Variants in NPEPL1 observed in about 807,000 individuals in gnomAD.
The protein encoded by NPEPL1 is probable aminopeptidase NPEPL1.
Under a neutral mutation model 52.4 loss-of-function variants are expected in NPEPL1, and 45 were observed. That is an observed-to-expected ratio of 0.86 (90% CI 0.68 to 1.10). NPEPL1 has a LOEUF of 1.10. Ranked by LOEUF, NPEPL1 falls within the 50% of genes least tolerant of loss-of-function variation. NPEPL1 has a pLI of 0.00. For missense variants in NPEPL1, 696 were observed against 710.9 expected, an observed-to-expected ratio of 0.98 and a Z score of 0.24; for synonymous variants, 360 against 314.7, an observed-to-expected ratio of 1.14 and a Z score of -1.52.
chr20:58,695,172 G>T (rs2084454710), intron 3 of NPEPL1, among the ~76,000 whole-genome samples: 2 of 32,462 alleles, frequency 6.2e-5, no homozygotes, highest in South Asian at 9.9e-4. Flanking sequence ...GTGTGTGCAT[G>T]TGTGGTGTGT....
At chr20:58,712,162 C>T (rs1001793893) in intron 7 of NPEPL1, among the ~76,000 whole-genome samples, 2 of 152,144 alleles carry the variant, frequency 1.3e-5, no homozygotes, top group East Asian at 1.9e-4. Context: ...CACCTTCTGT[C>T]GGCACAGGTT....
chr20:58,691,388 T>G (rs1394738671), upstream of NPEPL1: 2 of 550,904 alleles, frequency 3.6e-6, no homozygotes, highest in Non-Finnish European at 6.3e-6. Context: ...TTTTTTTTTT[T>G]TTTTTTTTTT....
chr20:58,691,606 C>T, upstream of NPEPL1: 1 of 634,252 alleles, frequency 1.6e-6, no homozygotes, highest in Non-Finnish European at 2.8e-6. Context: ...AGTTAGGGAG[C>T]TAGGGGGCCA....
chr20:58,702,371 G>GTGTC (rs1266288546), intron 6 of NPEPL1, among the ~76,000 whole-genome samples: 1 of 152,190 alleles, frequency 6.6e-6, no homozygotes, highest in East Asian at 1.9e-4. Flanking sequence ...CTGAGCCCTA[G>GTGTC]TGTCAGCTGC....
chr20:58,712,896 C>A (rs1368467938), intron 8 of NPEPL1: 2 of 426,948 alleles, frequency 4.7e-6, no homozygotes, highest in South Asian at 4.1e-5. Context: ...GAAGCTCTGA[C>A]CCCCAGATTC....
chr20:58,713,800 C>A lies in NPEPL1; in HGVS notation c.1126-117C>A. On this transcript the variant is annotated intron_variant, in intron 9 of 11. Coordinates refer to ENST00000356091, the MANE Select transcript of NPEPL1 (RefSeq NM_024663.4). The surrounding 1 kb of genome is among the most constrained non-coding windows in gnomAD (Gnocchi z 4.6). ...CTGCCTGTGTTTTTTCTTTTTTTCT[C>A]AACCGTCTCTTTTCTGGCTCCCTTA... The A allele has an allele frequency of 8.1e-7, 1 of 1,235,484 alleles. No homozygotes were observed. Among genetic ancestry groups the A allele is most frequent in the Non-Finnish European group, 1.1e-6 (1 of 935,484 alleles). 76.5% of individuals were successfully genotyped at this position (1,235,484 alleles called of 1,614,324 possible).
intron 6 of NPEPL1, among the ~76,000 whole-genome samples, chr20:58,702,738 C>CTGTT (rs1178311705): frequency 2.6e-5 from 4 of 152,204 alleles, no homozygotes; most frequent in African/African-American, 7.2e-5. Context: ...AGAATACTAT[C>CTGTT]TGTTAACTTT....
chr20:58,699,019 AGTGTGTGGAG>A (rs1260395644), intron 4 of NPEPL1, among the ~76,000 whole-genome samples, 168 bp from the exon 5 acceptor site: 1 of 152,168 alleles, frequency 6.6e-6, no homozygotes, highest in Non-Finnish European at 1.5e-5. Context: ...AGGAAATGAG[AGTGTGTGGAG>A]GGTGAGCCCC....
chr20:58,706,358 G>A (rs988729199), intron 6 of NPEPL1, among the ~76,000 whole-genome samples: 16 of 152,306 alleles, frequency 1.1e-4, no homozygotes, highest in African/African-American at 3.1e-4. Flanking sequence ...TGATTTTGGC[G>A]AAGAGTTCAC....
At position 58,713,948 on chromosome 20, in the gene NPEPL1, T is replaced by A. The variant is rs1426465511; in HGVS notation, c.1157T>A (p.Val386Glu). ...GIATGKYHAA[V>E]LTNSAEWEAA... ...GCCACAGGGAAGTACCACGCCGCGG[T>A]GCTCACCAACAGCGCTGAGTGGGAG... The change falls in exon 10 of 12, where the codon GTG becomes GAG. Residue 386 changes from valine (V) to glutamate (E), a missense_variant. Physicochemically the swap from Val to Glu is moderately radical, Grantham distance 121. Coordinates refer to ENST00000356091, the MANE Select transcript of NPEPL1 (RefSeq NM_024663.4). The surrounding 1 kb of genome is among the most constrained non-coding windows in gnomAD (Gnocchi z 4.6). 7 of 1,509,300 alleles carry A rather than the reference T, an allele frequency of 4.6e-6. No homozygotes were observed. The allele number at this position is 1,509,300 out of a possible 1,614,324, so 93.5% of individuals were successfully genotyped here.
At chr20:58,696,888 G>A (rs961192069) in intron 3 of NPEPL1, among the ~76,000 whole-genome samples, 6 of 152,234 alleles carry the variant, frequency 3.9e-5, no homozygotes, top group African/African-American at 1.4e-4. Context: ...GGCAGCAAGG[G>A]GCAGAGCCAG....
At chr20:58,704,176 G>T (rs1317615174) in intron 6 of NPEPL1, 3 of 985,316 alleles carry the variant, frequency 3.0e-6, no homozygotes, top group African/African-American at 3.5e-5. Context: ...AAACGCAGAC[G>T]CAACGCAGCA....
upstream of NPEPL1, chr20:58,691,587 G>C: frequency 3.2e-6 from 2 of 630,876 alleles, no homozygotes; most frequent in Non-Finnish European, 5.6e-6. Flanking sequence ...TGTGGCTCCC[G>C]GGGCTACAAG....
rs1339288144 is a variant in NPEPL1, at chr20:58,714,575, C to T, written c.1318C>T (p.Pro440Ser). 3 of 1,586,292 alleles carry T rather than the reference C, an allele frequency of 1.9e-6. No individual in the cohort carries two copies. Among genetic ancestry groups the T allele is most frequent in the Non-Finnish European group, 2.6e-6 (3 of 1,168,988 alleles). Residue 440 changes from proline (P) to serine (S), a missense_variant, in exon 11 of 12, where the codon CCC (proline) becomes TCC (serine). Pro to Ser is a moderately conservative substitution (Grantham distance 74). Coordinates refer to ENST00000356091, the MANE Select transcript of NPEPL1 (RefSeq NM_024663.4). ...KNSVADRDNS[P>S]SSCAGLFIAS... ...GCCTCCCTAGGACCGAGACAACAGC[C>T]CCAGCTCCTGTGCTGGCCTCTTCAT... is the stretch of plus-strand genomic sequence containing the variant.
At chr20:58,704,665 A>G (rs543681014) in intron 6 of NPEPL1, among the ~76,000 whole-genome samples, 8 of 152,180 alleles carry the variant, frequency 5.3e-5, no homozygotes, top group Non-Finnish European at 8.8e-5. Flanking sequence ...TCTGCTTCCG[A>G]TGTAGTCTAT....
At position 58,715,297 on chromosome 20, in the gene NPEPL1, A is replaced by G; in HGVS notation, c.1543A>G (p.Arg515Gly). The G allele has an allele frequency of 6.2e-7, 1 of 1,610,346 alleles. No homozygotes were observed. The change falls in exon 12 of 12, where the codon AGG becomes GGG. Residue 515 changes from arginine (R) to glycine (G), a missense_variant. Transcript: ENST00000356091. The stretch of plus-strand genomic sequence containing the variant: ...GGATGTCGAGGAGGGGGACCTGGGG[A>G]GGGACTCCAAGAGACGCAGGCTTGT... Reference protein sequence around the residue: ...EVDVEEGDLGRDSKRRRLV With the variant: ...EVDVEEGDLGGDSKRRRLV
chr20:58,711,426 G>A (rs545668306), intron 7 of NPEPL1: 2 of 152,688 alleles, frequency 1.3e-5, no homozygotes, highest in East Asian at 3.9e-4. Flanking sequence ...AGGAGGCTGA[G>A]GGTCCTGAAG....
intron 7 of NPEPL1, among the ~76,000 whole-genome samples, chr20:58,709,949 C>A (rs1407061600): frequency 6.6e-6 from 1 of 152,140 alleles, no homozygotes; most frequent in East Asian, 1.9e-4. Context: ...GATTACTACC[C>A]CCTGCTGCCC....
At chr20:58,693,634 C>T (rs902773009) in intron 1 of NPEPL1, 103 bp from the exon 2 acceptor site, 18 of 1,042,880 alleles carry the variant, frequency 1.7e-5, no homozygotes, top group Non-Finnish European at 2.3e-5. Context: ...CAGTGCCCTT[C>T]CAGGACTGCA....
Sources: gnomAD v4.1 joint callset for allele counts (sites outside exome capture counted in the v4.1 genomes callset) on GRCh38, gnomAD v4.1.1 for gene constraint, Gnocchi (gnomAD v3.1) non-coding constraint, MANE v1.5 for transcripts, NCBI Gene and HGNC (gene_info 2026-07-23, HGNC 2026-07-21) for gene names.